SACS: variants seen among roughly 807,000 people sequenced by gnomAD.
SACS encodes sacsin.
In SACS, 197 loss-of-function variants were observed where a neutral mutation model predicts 348.0. The observed-to-expected ratio is 0.57, with a 90% confidence interval of 0.50 to 0.64. The LOEUF (loss-of-function observed/expected upper bound fraction) is 0.64, where lower values mean the gene tolerates loss of function less well. SACS is among the 30% of genes least tolerant of loss of function. The pLI, the probability that SACS is intolerant of heterozygous loss-of-function variation, is 0.00. For missense variants in SACS, 4,999 were observed against 5,360.8 expected (o/e 0.93, Z 2.11); for synonymous variants, 1,985 against 1,910.6 (o/e 1.04, Z -1.02).
intron 9 of SACS, among the ~76,000 whole-genome samples, chr13:23,348,840 C>T (rs1869780358): frequency 6.6e-6 from 1 of 152,220 alleles, no homozygotes; most frequent in Non-Finnish European, 1.5e-5. Flanking sequence ...AGCACCTACA[C>T]TGAAGTAGGC....
chr13:23,341,604 T>C lies in SACS; in HGVS notation c.2272A>G (p.Arg758Gly), dbSNP rs906091898. 1.2e-5 allele frequency: 19 copies of C among 1,613,792 alleles called. No individual in the cohort carries two copies. Among genetic ancestry groups the C allele is most frequent in the Non-Finnish European group, 1.4e-5 (16 of 1,179,974 alleles). The change falls in exon 10 of 10, where the codon AGA (arginine) becomes GGA (glycine). Residue 758 changes from arginine (R) to glycine (G), a missense_variant. Physicochemically the swap from Arg to Gly is moderately radical, Grantham distance 125. Coordinates refer to ENST00000382292, the MANE Select transcript of SACS (RefSeq NM_014363.6). ...KEVMNTFWPG[R>G]ELIVQWYPFD... is the part of the protein sequence containing the mutation. Reference sequence around the variant, plus strand: ...GGATACCATTGAACAATCAATTCTCTGCCAGGCCAGAATGTATTCATTACT... The same window carrying C: ...GGATACCATTGAACAATCAATTCTCCGCCAGGCCAGAATGTATTCATTACT...
chr13:23,337,290 G>C lies in SACS; in HGVS notation c.6586C>G (p.Leu2196Val), dbSNP rs781583132. ...TTTGCTCTAGGATCCCTTATTTTTAGTTTCTCATCGATAAGACTCAATAAG... is the reference window on the plus strand; with the variant it reads ...TTTGCTCTAGGATCCCTTATTTTTACTTTCTCATCGATAAGACTCAATAAG... ...SILLSLIDEKLKIRDPRAKDF... is the reference protein window; with the variant it reads ...SILLSLIDEKVKIRDPRAKDF... The change falls in exon 10 of 10, where the codon CTA (leucine) becomes GTA (valine). Residue 2196 changes from leucine to valine, a missense_variant. By Grantham distance (32) the Leu-to-Val change is conservative (BLOSUM62 1). Transcript: ENST00000382292. 7.4e-6 allele frequency: 12 copies of C among 1,613,556 alleles called. No homozygotes were observed.
chr13:23,397,094 A>AG (rs1214345276), intron 2 of SACS, among the ~76,000 whole-genome samples: 1 of 152,172 alleles, frequency 6.6e-6, no homozygotes, highest in African/African-American at 2.4e-5. Context: ...CTAGCCTTCT[A>AG]CAGAATGCTG....
Position 23,340,208 on chromosome 13 carries a change from GC to G in SACS, c.3667del (p.Ala1223LeufsTer3). On this transcript the variant is annotated frameshift_variant, in exon 10 of 10. Coordinates refer to ENST00000382292, the MANE Select transcript of SACS (RefSeq NM_014363.6). LOFTEE classifies it high-confidence loss of function. Reference protein sequence around the residue: ...LGIFTKPSLSAVLKHFKIVVD... With the variant: ...LGIFTKPSLSXVLKHFKIVVD... ...AACAATTTTAAAGTGTTTTAAGACAGCACTAAGGCTAGGTTTTGTGAAGATC... is the reference window on the plus strand; with the variant it reads ...AACAATTTTAAAGTGTTTTAAGACAGACTAAGGCTAGGTTTTGTGAAGATC... The G allele has an allele frequency of 6.2e-7, 1 of 1,610,864 alleles. No homozygotes were observed.
At chr13:23,397,433 T>G (rs769039781) in intron 2 of SACS, among the ~76,000 whole-genome samples, 56 of 152,216 alleles carry the variant, frequency 3.7e-4, no homozygotes, top group Non-Finnish European at 1.3e-4. Context: ...AAGATTGGAT[T>G]AATTTATTTA....
intron 3 of SACS, among the ~76,000 whole-genome samples, chr13:23,372,869 T>C (rs886425713): frequency 3.3e-5 from 5 of 152,204 alleles, no homozygotes; most frequent in Admixed American, 2.6e-4. Flanking sequence ...ATTTTGACTT[T>C]TGCAAAGTCT....
intron 2 of SACS, among the ~76,000 whole-genome samples, chr13:23,393,267 G>C (rs1872596661): frequency 6.6e-6 from 1 of 152,182 alleles, no homozygotes; most frequent in Admixed American, 6.5e-5. Flanking sequence ...AAGCAAGTTT[G>C]GAGTTTGGAG....
rs1883569799 is a variant in SACS, at chr13:23,332,747, T to C, written c.11129A>G (p.Lys3710Arg). ...TTCTTTAATGCTTAAGGGTGTAGCT[T>C]TCTCTGGAAGAATAGGGCAGGATGT... ...LWTSCPILPE[K>R]ATPLSIKEQE... Residue 3710 changes from lysine to arginine, a missense_variant, in exon 10 of 10, where the codon AAA becomes AGA. Physicochemically the swap from Lys to Arg is conservative, Grantham distance 26. Around this residue, in one of 6 missense-constraint regions of SACS, gnomAD observed 831 missense variants for 941.8 expected, o/e 0.88. Transcript: ENST00000382292. The C allele has an allele frequency of 6.2e-7, 1 of 1,614,038 alleles. No individual in the cohort carries two copies. Among genetic ancestry groups the C allele is most frequent in the South Asian group, 1.1e-5 (1 of 91,078 alleles).
Position 23,334,394 on chromosome 13 carries a change from C to T in SACS, c.9482G>A (p.Ser3161Asn). 12 of 1,613,266 alleles carry T rather than the reference C, an allele frequency of 7.4e-6. No homozygotes were observed. Among genetic ancestry groups the T allele is most frequent in the Non-Finnish European group, 1.0e-5 (12 of 1,179,752 alleles). Residue 3161 changes from serine to asparagine, a missense_variant, in exon 10 of 10, where the codon AGT becomes AAT. Transcript: ENST00000382292. ...EGLPLLITLD[S>N]VLQTFDAKRP... ...TTTTGCATCAAAAGTTTGCAAAACACTGTCCAGTGTGATGAGAAGGGGCAA... is the reference window on the plus strand; with the variant it reads ...TTTTGCATCAAAAGTTTGCAAAACATTGTCCAGTGTGATGAGAAGGGGCAA...
At chr13:23,394,697 T>C (rs893605717) in intron 2 of SACS, among the ~76,000 whole-genome samples, 1 of 152,134 alleles carries the variant, frequency 6.6e-6, no homozygotes, top group East Asian at 1.9e-4. Context: ...CTGCTAAAAA[T>C]ACAAAAAATT....
chr13:23,387,914 C>A (rs928175465), intron 2 of SACS, among the ~76,000 whole-genome samples: 7 of 152,008 alleles, frequency 4.6e-5, no homozygotes, highest in African/African-American at 1.7e-4. Context: ...TGTACCCCAG[C>A]CAGAAAGGCC....
rs764034262 is a variant in SACS, at chr13:23,340,263, T to C, written c.3613A>G (p.Ile1205Val). The change falls in exon 10 of 10, where the codon ATC (isoleucine) becomes GTC (valine). Residue 1205 changes from isoleucine to valine, a missense_variant. Coordinates refer to ENST00000382292, the MANE Select transcript of SACS (RefSeq NM_014363.6). ...IGSSLPLVESIHVNLEKALGI... is the reference protein window; with the variant it reads ...IGSSLPLVESVHVNLEKALGI... ...AATGCTTTTTCCAGGTTTACATGGA[T>C]ACTTTCAACAAGAGGAAGTGAGGAG... is the stretch of plus-strand genomic sequence containing the variant. 9 of 1,612,680 alleles carry C rather than the reference T, an allele frequency of 5.6e-6. No individual in the cohort carries two copies. In the South Asian group the frequency reaches 8.8e-5, roughly 16 times the overall value.
At chr13:23,412,922 A>G (rs1873551920) in intron 1 of SACS, among the ~76,000 whole-genome samples, 1 of 152,256 alleles carries the variant, frequency 6.6e-6, no homozygotes, top group South Asian at 2.1e-4. Flanking sequence ...TTTATTTTTT[A>G]GGGTGCTGGG....
chr13:23,412,975 A>G (rs938143324), intron 1 of SACS, among the ~76,000 whole-genome samples: 1 of 152,084 alleles, frequency 6.6e-6, no homozygotes, highest in African/African-American at 2.4e-5. Flanking sequence ...GAAAAATGAG[A>G]AACTTTTTTT....
intron 2 of SACS, among the ~76,000 whole-genome samples, chr13:23,401,975 T>G (rs1383205020): frequency 2.6e-5 from 4 of 152,078 alleles, no homozygotes; most frequent in African/African-American, 9.7e-5. Flanking sequence ...GTCAGGAGAT[T>G]GAGACCATCC....
chr13:23,336,103 G>A lies in SACS; in HGVS notation c.7773C>T (p.Tyr2591=). 6.2e-7 allele frequency: 1 copy of A among 1,611,394 alleles called. No homozygotes were observed. Among genetic ancestry groups the A allele is most frequent in the Middle Eastern group, 1.7e-4 (1 of 6,046 alleles). Residue 2591 remains tyrosine (Y), a synonymous_variant, in exon 10 of 10, where the codon TAC becomes TAT. Transcript: ENST00000382292. ...CATCTTCTGTAAATGGCTGGTTGTT[G>A]TACACACAAAGTGCTGGCCCTTGCA... ...APLQGPALCV[Y]NNQPFTEDDV...
rs752876736 is a variant in SACS, at chr13:23,332,212, T to C, written c.11664A>G (p.Leu3888=). The stretch of plus-strand genomic sequence containing the variant: ...TCCTCACCTTGACTGAATCATTCTG[T>C]AGACTCCTGAACAGACCAGAAACTA... ...KRVVSGLFRS[L]QNDSVKVRSD... is the part of the protein sequence containing the mutation. Residue 3888 remains leucine, a synonymous_variant, in exon 10 of 10, where the codon CTA becomes CTG. Coordinates refer to ENST00000382292, the MANE Select transcript of SACS (RefSeq NM_014363.6). 6.8e-6 allele frequency: 11 copies of C among 1,613,918 alleles called. No homozygotes were observed. The highest frequency in any genetic ancestry group is 3.3e-5 in the Admixed American group (2 of 60,006).
At chr13:23,427,033 C>T (rs1180127445) in intron 1 of SACS, 3 of 152,166 alleles carry the variant, frequency 2.0e-5, no homozygotes, top group East Asian at 1.9e-4. Flanking sequence ...GAACATTCTT[C>T]GGTCTTCTCC....
intron 2 of SACS, among the ~76,000 whole-genome samples, chr13:23,379,347 C>G (rs1465884046): frequency 6.6e-6 from 1 of 152,190 alleles, no homozygotes; most frequent in African/African-American, 2.4e-5. Context: ...GACAAAGAAG[C>G]CTGGTGCCTG....
Sources: allele counts gnomAD v4.1 joint callset (sites outside exome capture counted in the v4.1 genomes callset), GRCh38; gene constraint gnomAD v4.1.1; regional missense constraint gnomAD v4.1.1; transcripts MANE v1.5; gene names NCBI Gene and HGNC (gene_info 2026-07-23, HGNC 2026-07-21).